NFIX: variants seen among roughly 807,000 people sequenced by gnomAD.
NFIX encodes the protein nuclear factor I X, also known as nuclear factor 1 X-type.
Under a neutral mutation model 53.3 loss-of-function variants are expected in NFIX, and 2 were observed. The ratio of observed to expected loss-of-function variants is 0.04; its 90% CI spans 0.02 to 0.12. The LOEUF (loss-of-function observed/expected upper bound fraction) is 0.12, where lower values mean the gene tolerates loss of function less well. Ranked by LOEUF, NFIX falls within the 10% of genes least tolerant of loss-of-function variation. The pLI is 1.00. For synonymous variants in NFIX, 244 were observed against 289.0 expected (o/e 0.84, Z 1.58); for missense variants, 310 against 674.5 (o/e 0.46, Z 5.99).
intron 2 of NFIX, among the ~76,000 whole-genome samples, chr19:13,055,039 GC>G (rs2015565645): frequency 6.6e-6 from 1 of 152,054 alleles, no homozygotes; most frequent in Non-Finnish European, 1.5e-5. Context: ...GATGGGTGGG[GC>G]CCACTTTTCC....
intron 2 of NFIX, among the ~76,000 whole-genome samples, chr19:13,032,339 A>C (rs1421351121): frequency 6.6e-6 from 1 of 152,008 alleles, no homozygotes; most frequent in Non-Finnish European, 1.5e-5. Flanking sequence ...GTTTAAATAT[A>C]GTTATTGATT....
rs2012604219 is a variant in NFIX at position 13,015,411 on chromosome 19, A to C, written c.28-9610A>C. Reference sequence around the variant, plus strand: ...TGAGGCAGCCCCGCCCCAGGACCCTAGGCCCAGCCTGGTGTCGCTTGCTCA... The same window carrying C: ...TGAGGCAGCCCCGCCCCAGGACCCTCGGCCCAGCCTGGTGTCGCTTGCTCA... On this transcript the variant is annotated intron_variant, in intron 1 of 10. Coordinates refer to ENST00000592199, the MANE Select transcript of NFIX (RefSeq NM_001365902.3). Among the ~76,000 whole-genome samples the C allele has an allele frequency of 3.3e-5, 5 of 152,218 alleles. No homozygotes were observed. The South Asian group carries it at 1.0e-3, about 32-fold the overall frequency.
intron 2 of NFIX, among the ~76,000 whole-genome samples, chr19:13,058,515 C>G (rs911088873): frequency 1.3e-5 from 2 of 148,640 alleles, no homozygotes; most frequent in East Asian, 2.1e-4. Context: ...GTAGCATGCA[C>G]CTGTGGTCCC....
intron 1 of NFIX, among the ~76,000 whole-genome samples, chr19:13,020,100 G>A (rs1368244610): frequency 6.6e-6 from 1 of 152,106 alleles, no homozygotes; most frequent in African/African-American, 2.4e-5. Context: ...TCGTATGAGG[G>A]ATTTTTTGTC....
chr19:13,016,519 C>T (rs2012674398), intron 1 of NFIX, among the ~76,000 whole-genome samples: 1 of 151,930 alleles, frequency 6.6e-6, no homozygotes, highest in Non-Finnish European at 1.5e-5. Flanking sequence ...TGCCCCTGCC[C>T]CCCGCCCCCG....
At chr19:13,061,040 C>T (rs1176051729) in intron 2 of NFIX, among the ~76,000 whole-genome samples, 5 of 152,118 alleles carry the variant, frequency 3.3e-5, no homozygotes, top group Non-Finnish European at 7.3e-5. Context: ...GTGAGGGCAT[C>T]CTGGGTGCGT....
chr19:13,010,838 G>A (rs1047354231), intron 1 of NFIX, among the ~76,000 whole-genome samples: 12 of 152,182 alleles, frequency 7.9e-5, no homozygotes, highest in Admixed American at 5.2e-4. Context: ...TGCGGGAGCC[G>A]GCAGGGAAGG....
rs2011737413 is a variant in NFIX at position 13,002,103 on chromosome 19, A to G, written c.27+6239A>G. The stretch of plus-strand genomic sequence containing the variant: ...ATCCCCGCTGCCCCCACAGCCAGGC[A>G]GGCCCTGGGCCCCACACCCCTGGGC... On this transcript the variant is annotated intron_variant, in intron 1 of 10. Coordinates refer to ENST00000592199, the MANE Select transcript of NFIX (RefSeq NM_001365902.3). This position sits in a 1 kb window ranked among gnomAD's most constrained non-coding sequence, Gnocchi z 6.1. Among the ~76,000 whole-genome samples the G allele has an allele frequency of 1.3e-5, 2 of 152,264 alleles. No homozygotes were observed. Among genetic ancestry groups the G allele is most frequent in the South Asian group, 4.1e-4 (2 of 4,828 alleles).
intron 6 of NFIX, among the ~76,000 whole-genome samples, chr19:13,077,852 T>G (rs1369599339): frequency 6.6e-6 from 1 of 152,212 alleles, no homozygotes; most frequent in Admixed American, 6.5e-5. Context: ...AAGACAGACT[T>G]CAAACAAGGT....
Position 13,022,785 on chromosome 19 carries a change from C to T in NFIX, c.28-2236C>T, listed in dbSNP as rs1029002699. ...TCAGGCTTAAAAAAAAATTTCGAGTCTTCCACAATCCCAGTCCCCCCCAAT... is the reference window on the plus strand; with the variant it reads ...TCAGGCTTAAAAAAAAATTTCGAGTTTTCCACAATCCCAGTCCCCCCCAAT... On this transcript the variant is annotated intron_variant, in intron 1 of 10. Coordinates refer to ENST00000592199, the MANE Select transcript of NFIX (RefSeq NM_001365902.3). This position sits in a 1 kb window ranked among gnomAD's most constrained non-coding sequence, Gnocchi z 4.5. Among the ~76,000 whole-genome samples, 5 of 152,118 alleles carry T rather than the reference C, an allele frequency of 3.3e-5. No homozygotes were observed. The highest frequency in any genetic ancestry group is 1.2e-4 in the African/African-American group (5 of 41,414).
intron 2 of NFIX, among the ~76,000 whole-genome samples, chr19:13,058,012 G>T (rs1015095927): frequency 1.3e-5 from 2 of 152,164 alleles, no homozygotes; most frequent in African/African-American, 4.8e-5. Context: ...AGCTCCTTGG[G>T]GCCTGAGGGG....
rs1476522756 is a variant in NFIX at position 13,097,858 on chromosome 19, C to G, written c.*3209C>G. 1.3e-5 allele frequency: 2 copies of G among 152,592 alleles called. No individual in the cohort carries two copies. The highest frequency in any genetic ancestry group is 4.8e-5 in the African/African-American group (2 of 41,432). The allele number at this position is 152,592 out of a possible 1,614,324, so 9.5% of individuals were successfully genotyped here. On this transcript the variant is annotated 3_prime_UTR_variant, in exon 11 of 11. Transcript: ENST00000592199. ...CCGCCCCCATTCAACATCTCTCATC[C>G]TATCCCCGACCCCCTCCGGGGAACA... is the stretch of plus-strand genomic sequence containing the variant.
At chr19:13,054,657 G>A (rs1240288792) in intron 2 of NFIX, among the ~76,000 whole-genome samples, 1 of 152,128 alleles carries the variant, frequency 6.6e-6, no homozygotes, top group Admixed American at 6.5e-5. Context: ...CTTGCTCTGT[G>A]TGCCCCCAGC....
Position 13,060,123 on chromosome 19 carries a change from A to G in NFIX, c.560-12924A>G, listed in dbSNP as rs1214444695. Among the ~76,000 whole-genome samples, 1 of 151,898 alleles carries G rather than the reference A, an allele frequency of 6.6e-6. No individual in the cohort carries two copies. The highest frequency in any genetic ancestry group is 1.5e-5 in the Non-Finnish European group (1 of 67,972). On this transcript the variant is annotated intron_variant, in intron 2 of 10. Transcript: ENST00000592199. This position sits in a 1 kb window ranked among gnomAD's most constrained non-coding sequence, Gnocchi z 4.3. ...CTTTTGGCCTCCATTTCTTCCCTCC[A>G]CTTCAGCCTCTGCTTTGGCAGGCTC...
chr19:13,073,863 C>T lies in NFIX; in HGVS notation c.698-43C>T. On this transcript the variant is annotated intron_variant, in intron 4 of 10. Coordinates refer to ENST00000592199, the MANE Select transcript of NFIX (RefSeq NM_001365902.3). The surrounding 1 kb of genome is among the most constrained non-coding windows in gnomAD (Gnocchi z 4.5). ...GACAAAGAAACAGACCCCATCAGGC[C>T]TCCCCCCACCTCCAAACCTCATCAC... 6.2e-7 allele frequency: 1 copy of T among 1,613,558 alleles called. No individual in the cohort carries two copies. Among genetic ancestry groups the T allele is most frequent in the African/African-American group, 1.3e-5 (1 of 75,012 alleles).
In NFIX at chr19:13,096,229, T is replaced by G. The variant is rs1289363184; in HGVS notation, c.*1580T>G. ...TCTCTCTTTCTCTCTCTTTCTTAATTGTATGAAAACACAAAGCACAGGTCA... is the reference window on the plus strand; with the variant it reads ...TCTCTCTTTCTCTCTCTTTCTTAATGGTATGAAAACACAAAGCACAGGTCA... On this transcript the variant is annotated 3_prime_UTR_variant, in exon 11 of 11. Coordinates refer to ENST00000592199, the MANE Select transcript of NFIX (RefSeq NM_001365902.3). 2.0e-5 allele frequency: 3 copies of G among 152,792 alleles called. No individual in the cohort carries two copies. Among genetic ancestry groups the G allele is most frequent in the African/African-American group, 7.2e-5 (3 of 41,448 alleles). 9.5% of individuals were successfully genotyped at this position (152,792 alleles called of 1,614,324 possible).
chr19:13,063,823 C>A (rs1222860256), intron 2 of NFIX, among the ~76,000 whole-genome samples: 3 of 152,134 alleles, frequency 2.0e-5, no homozygotes, highest in African/African-American at 7.2e-5. Context: ...GCATTAGAGT[C>A]TGGAGGACTC....
intron 1 of NFIX, 88 bp from the exon 2 acceptor site, chr19:13,024,933 C>T: frequency 6.6e-7 from 1 of 1,517,596 alleles, no homozygotes; most frequent in African/African-American, 1.4e-5. Context: ...TCTAACGCTG[C>T]TTTTCTCCTT....
intron 2 of NFIX, among the ~76,000 whole-genome samples, chr19:13,039,418 C>A (rs552201267): frequency 7.5e-4 from 114 of 152,234 alleles, no homozygotes; most frequent in African/African-American, 2.7e-3. Flanking sequence ...CTTGGCAAGG[C>A]CTCTTGAATT....
Sources: gnomAD v4.1 joint callset for allele counts (sites outside exome capture counted in the v4.1 genomes callset) on GRCh38, gnomAD v4.1.1 for gene constraint, Gnocchi (gnomAD v3.1) non-coding constraint, MANE v1.5 for transcripts, NCBI Gene and HGNC (gene_info 2026-07-23, HGNC 2026-07-21) for gene names.